The following SNX24 variants were observed in gnomAD, a reference collection of about 807,000 sequenced individuals.
SNX24 encodes the protein sorting nexin-24.
Under a neutral mutation model 28.7 loss-of-function variants are expected in SNX24, and 22 were observed. The ratio of observed to expected loss-of-function variants is 0.77; its 90% confidence interval spans 0.55 to 1.10. The LOEUF is 1.10. SNX24 is among the 50% of genes least tolerant of loss of function. The pLI is 0.00. For missense variants in SNX24, 221 were observed against 201.1 expected (o/e 1.10, Z -0.60); for synonymous variants, 69 against 71.5 (o/e 0.96, Z 0.18).
intron 1 of SNX24, among the ~76,000 whole-genome samples, chr5:122,917,433 G>T (rs907261940): frequency 6.6e-6 from 1 of 152,140 alleles, no homozygotes; most frequent in African/African-American, 2.4e-5. Context: ...TGTGGACCTA[G>T]TATACAGGTT....
intron 1 of SNX24, among the ~76,000 whole-genome samples, chr5:122,888,652 C>T (rs1756820260): frequency 6.6e-6 from 1 of 152,132 alleles, no homozygotes; most frequent in African/African-American, 2.4e-5. Context: ...CTTTCTGCTG[C>T]CTCCGATATG....
At chr5:122,873,263 A>G (rs1056759076) in intron 1 of SNX24, among the ~76,000 whole-genome samples, 3 of 152,128 alleles carry the variant, frequency 2.0e-5, no homozygotes, top group South Asian at 2.1e-4. Flanking sequence ...GCATGAGACC[A>G]TACCCAGTCC....
intron 6 of SNX24, among the ~76,000 whole-genome samples, chr5:123,007,274 A>C (rs1762450676): frequency 6.6e-6 from 1 of 152,252 alleles, no homozygotes; most frequent in African/African-American, 2.4e-5. Context: ...GTAAACCACA[A>C]TGGAAAAACT....
chr5:123,018,932 G>A (rs1264222720), intron 5 of SNX24, among the ~76,000 whole-genome samples: 2 of 152,068 alleles, frequency 1.3e-5, no homozygotes, highest in East Asian at 1.9e-4. Context: ...TGATCCGCCC[G>A]CCTCGGCCTC....
chr5:122,883,499 G>A (rs894053497), intron 1 of SNX24, among the ~76,000 whole-genome samples: 3 of 151,798 alleles, frequency 2.0e-5, no homozygotes, highest in African/African-American at 7.3e-5. Context: ...TCTTTCGTTG[G>A]TTGCTTTAGT....
intron 1 of SNX24, among the ~76,000 whole-genome samples, chr5:122,908,670 A>G (rs376921610): frequency 1.3e-5 from 2 of 152,242 alleles, no homozygotes; most frequent in African/African-American, 4.8e-5. Flanking sequence ...CCAGAACTAT[A>G]ATTAGTAAAG....
intron 1 of SNX24, among the ~76,000 whole-genome samples, chr5:122,886,596 C>T (rs530326042): frequency 1.6e-4 from 25 of 152,044 alleles, no homozygotes; most frequent in Non-Finnish European, 3.4e-4. Context: ...CAGGGAATCA[C>T]GAGGTCAGGA....
At position 122,936,481 on chromosome 5, in the gene SNX24, G is replaced by GT. The variant is rs201075870; in HGVS notation, c.61-244dup. 3.4e-4 allele frequency among the ~76,000 whole-genome samples: 51 copies of GT among 151,070 alleles called. 2 individuals carry two copies. The highest frequency in any genetic ancestry group is 2.7e-3 in the South Asian group (13 of 4,778). On this transcript the variant is annotated intron_variant, in intron 1 of 6. Coordinates refer to ENST00000261369, the MANE Select transcript of SNX24 (RefSeq NM_014035.4). ...ATTATTTTATTAAAAAATTAGGTAGGTTTTTTTTTATGCATTTAAGTTTCC... is the reference window on the plus strand; with the variant it reads ...ATTATTTTATTAAAAAATTAGGTAGGTTTTTTTTTTATGCATTTAAGTTTCC...
chr5:122,856,071 A>G (rs1161762909), intron 1 of SNX24, among the ~76,000 whole-genome samples: 1 of 152,148 alleles, frequency 6.6e-6, no homozygotes, highest in Non-Finnish European at 1.5e-5. Context: ...CACCCAAGTA[A>G]TGGGCATAGT....
intron 1 of SNX24, among the ~76,000 whole-genome samples, chr5:122,899,197 C>T (rs571847692): frequency 4.6e-5 from 7 of 152,258 alleles, no homozygotes; most frequent in East Asian, 1.9e-4. Context: ...GGCTGCGAGT[C>T]GTGGTGACTT....
rs1274519324 is a variant in SNX24, at chr5:122,911,051, TC to T, written c.61-25681del. On this transcript the variant is annotated intron_variant, in intron 1 of 6. Coordinates refer to ENST00000261369, the MANE Select transcript of SNX24 (RefSeq NM_014035.4). Reference sequence around the variant, plus strand: ...TCCCTGAGGAATCGCCACAGTGACTTCCACAATGGTTGAACTAGTTTACAGT... The same window carrying T: ...TCCCTGAGGAATCGCCACAGTGACTTCACAATGGTTGAACTAGTTTACAGT... Among the ~76,000 whole-genome samples the T allele has an allele frequency of 7.2e-5, 11 of 152,308 alleles. No homozygotes were observed. In the South Asian group the frequency reaches 1.7e-3, roughly 23 times the overall value.
intron 5 of SNX24, chr5:123,024,014 A>T (rs770987529): frequency 6.2e-7 from 1 of 1,611,048 alleles, no homozygotes; most frequent in South Asian, 1.1e-5. Context: ...CTGGTGAGAG[A>T]AAAGTAGACA....
At chr5:122,971,413 C>A (rs1760952261) in intron 3 of SNX24, among the ~76,000 whole-genome samples, 1 of 152,150 alleles carries the variant, frequency 6.6e-6, no homozygotes, top group South Asian at 2.1e-4. Flanking sequence ...TACTTTGCAT[C>A]CTTGAACCCA....
chr5:122,991,831 A>T (rs963150749), intron 3 of SNX24, among the ~76,000 whole-genome samples: 1 of 152,206 alleles, frequency 6.6e-6, no homozygotes, highest in Non-Finnish European at 1.5e-5. Context: ...TTAGTCTGAA[A>T]GTCTTTATAT....
At chr5:122,887,732 C>T (rs1047783796) in intron 1 of SNX24, among the ~76,000 whole-genome samples, 7 of 152,156 alleles carry the variant, frequency 4.6e-5, no homozygotes, top group African/African-American at 1.7e-4. Context: ...GATGGAGTTT[C>T]GCTCTTGTTG....
At chr5:122,942,198 C>G (rs889695673) in intron 2 of SNX24, among the ~76,000 whole-genome samples, 5 of 152,190 alleles carry the variant, frequency 3.3e-5, no homozygotes, top group African/African-American at 1.2e-4. Context: ...CTTTTATTCA[C>G]AAAGGTTTCA....
intron 3 of SNX24, among the ~76,000 whole-genome samples, chr5:122,966,980 G>C (rs1760740060): frequency 6.6e-6 from 1 of 152,114 alleles, no homozygotes; most frequent in Non-Finnish European, 1.5e-5. Context: ...TAAGTATTTA[G>C]TCATGAAAAT....
At chr5:122,893,176 T>A (rs1757051591) in intron 1 of SNX24, among the ~76,000 whole-genome samples, 1 of 151,872 alleles carries the variant, frequency 6.6e-6, no homozygotes, top group South Asian at 2.1e-4. Context: ...AAAAAAAAAA[T>A]TCAAAGTGTT....
intron 2 of SNX24, among the ~76,000 whole-genome samples, chr5:122,939,917 G>A (rs2150120051): frequency 6.6e-6 from 1 of 152,210 alleles, no homozygotes; most frequent in East Asian, 1.9e-4. Flanking sequence ...ACCTTCAAGT[G>A]TGTTCCTACT....
Sources: gnomAD v4.1 joint callset for allele counts (sites outside exome capture counted in the v4.1 genomes callset) on GRCh38, gnomAD v4.1.1 for gene constraint, MANE v1.5 for transcripts, NCBI Gene and HGNC (gene_info 2026-07-23, HGNC 2026-07-21) for gene names.